Variants in MFHAS1 observed in about 807,000 individuals in gnomAD.
MFHAS1 encodes malignant fibrous histiocytoma-amplified sequence 1.
MFHAS1 carries 50 observed loss-of-function variants against 70.4 expected under a neutral mutation model. The ratio of observed to expected loss-of-function variants is 0.71; its 90% confidence interval spans 0.57 to 0.90. The LOEUF (loss-of-function observed/expected upper bound fraction) is 0.90, where lower values mean the gene tolerates loss of function less well. MFHAS1 is among the 40% of genes least tolerant of loss of function. MFHAS1 has a pLI of 0.00. For synonymous variants in MFHAS1, 952 were observed against 620.0 expected (o/e 1.54, Z -7.96); for missense variants, 1,795 against 1,347.6 (o/e 1.33, Z -5.20).
At position 8,892,513 on chromosome 8, in the gene MFHAS1, G is replaced by T. The variant is rs1256461335; in HGVS notation, c.546C>A (p.Arg182=). The T allele has an allele frequency of 6.2e-7, 1 of 1,602,408 alleles. No homozygotes were observed. Among genetic ancestry groups the T allele is most frequent in the Middle Eastern group, 1.7e-4 (1 of 6,038 alleles). Residue 182 remains arginine (R), a synonymous_variant, in exon 1 of 3, where the codon CGC becomes CGA. Coordinates refer to ENST00000276282, the MANE Select transcript of MFHAS1 (RefSeq NM_004225.3). The surrounding 1 kb of genome is among the most constrained non-coding windows in gnomAD (Gnocchi z 4.7). ...TGTGATCCACGTCCAGGGTGCGCAG[G>T]CGGGAGAGGCAGGAGAGGGAGTCAG... is the stretch of plus-strand genomic sequence containing the variant. ...HLPDSLSCLS[R]LRTLDVDHNQ...
intron 1 of MFHAS1, among the ~76,000 whole-genome samples, chr8:8,849,919 G>T (rs1049776132): frequency 1.8e-4 from 27 of 152,328 alleles, no homozygotes; most frequent in Admixed American, 5.2e-4. Flanking sequence ...GAGACAGAAA[G>T]CAACCAGGTC....
chr8:8,787,343 G>A (rs578249100), intron 2 of MFHAS1, among the ~76,000 whole-genome samples: 50 of 152,268 alleles, frequency 3.3e-4, no homozygotes, highest in African/African-American at 1.2e-3. Context: ...GCCTCCCAAA[G>A]TACTGGGATT....
At chr8:8,812,924 G>A (rs1210649850) in intron 1 of MFHAS1, among the ~76,000 whole-genome samples, 1 of 152,088 alleles carries the variant, frequency 6.6e-6, no homozygotes, top group Non-Finnish European at 1.5e-5. Context: ...GCACCACCAC[G>A]CCCAACTAAA....
intron 1 of MFHAS1, among the ~76,000 whole-genome samples, chr8:8,886,634 T>C (rs189787427): frequency 1.3e-5 from 2 of 152,250 alleles, no homozygotes; most frequent in East Asian, 3.9e-4. Context: ...ACTTTATACA[T>C]TTTTTCTGTA....
At chr8:8,830,693 C>G (rs1279007069) in intron 1 of MFHAS1, among the ~76,000 whole-genome samples, 1 of 152,138 alleles carries the variant, frequency 6.6e-6, no homozygotes, top group African/African-American at 2.4e-5. Flanking sequence ...ACCTCCGCCA[C>G]CCGGTTTCAA....
intron 1 of MFHAS1, among the ~76,000 whole-genome samples, chr8:8,826,262 G>GTGTGTGTC (rs1386652087): frequency 2.6e-5 from 4 of 151,734 alleles, no homozygotes; most frequent in Non-Finnish European, 2.9e-5. Flanking sequence ...GTGTGTGTGT[G>GTGTGTGTC]TGTGTGTGTG....
chr8:8,784,646 A>T lies in MFHAS1; in HGVS notation c.*1376T>A, dbSNP rs999773234. On this transcript the variant is annotated 3_prime_UTR_variant, in exon 3 of 3. Transcript: ENST00000276282. Reference sequence around the variant, plus strand: ...AGAGTCAATACTTTACAAAAGAAGTAAAAGAGTAGCGAGTACCAGCAACTC... The same window carrying T: ...AGAGTCAATACTTTACAAAAGAAGTTAAAGAGTAGCGAGTACCAGCAACTC... 6.6e-6 allele frequency: 1 copy of T among 152,234 alleles called. No homozygotes were observed. The highest frequency in any genetic ancestry group is 2.4e-5 in the African/African-American group (1 of 41,452). The allele number at this position is 152,234 out of a possible 1,614,324, so 9.4% of individuals were successfully genotyped here.
chr8:8,874,473 G>A (rs1022411731), intron 1 of MFHAS1, among the ~76,000 whole-genome samples: 6 of 152,084 alleles, frequency 3.9e-5, no homozygotes, highest in African/African-American at 1.4e-4. Context: ...AAGGAGTACA[G>A]CATGATCTCA....
chr8:8,890,020 T>C (rs1456194809), intron 1 of MFHAS1, 41 bp downstream of exon 1: 2 of 1,471,132 alleles, frequency 1.4e-6, no homozygotes, highest in South Asian at 1.3e-5. Flanking sequence ...AAACATATCT[T>C]ACAGCATACC....
chr8:8,808,996 G>C (rs997680157), intron 1 of MFHAS1, among the ~76,000 whole-genome samples: 1 of 152,140 alleles, frequency 6.6e-6, no homozygotes, highest in Non-Finnish European at 1.5e-5. Context: ...TACCACCGGA[G>C]CTCCATCTCC....
intron 1 of MFHAS1, among the ~76,000 whole-genome samples, chr8:8,866,394 C>A (rs190050321): frequency 6.6e-6 from 1 of 151,816 alleles, no homozygotes; most frequent in African/African-American, 2.4e-5. Context: ...TCTCAGCTCA[C>A]CGTAGCCTCT....
chr8:8,872,990 G>A (rs1177483083), intron 1 of MFHAS1, among the ~76,000 whole-genome samples: 1 of 152,184 alleles, frequency 6.6e-6, no homozygotes, highest in East Asian at 1.9e-4. Context: ...GAGCCATCTG[G>A]GAGTGAGGGG....
At chr8:8,880,211 T>C (rs1809462017) in intron 1 of MFHAS1, among the ~76,000 whole-genome samples, 1 of 152,142 alleles carries the variant, frequency 6.6e-6, no homozygotes, top group Non-Finnish European at 1.5e-5. Context: ...ACTCTTAAGT[T>C]ACACCTTGGA....
At chr8:8,809,073 G>A (rs148051251) in intron 1 of MFHAS1, among the ~76,000 whole-genome samples, 77 of 152,222 alleles carry the variant, frequency 5.1e-4, no homozygotes, top group African/African-American at 1.8e-3. Flanking sequence ...TTGTATGTGA[G>A]GGATCTAGGT....
intron 1 of MFHAS1, among the ~76,000 whole-genome samples, chr8:8,825,601 C>T (rs1807129203): frequency 6.6e-6 from 1 of 152,186 alleles, no homozygotes; most frequent in Admixed American, 6.5e-5. Context: ...GGTGTCTTCA[C>T]GTGGCCTTCC....
At chr8:8,826,247 A>AGAGTGT (rs138177121) in intron 1 of MFHAS1, among the ~76,000 whole-genome samples, 5 of 147,870 alleles carry the variant, frequency 3.4e-5, no homozygotes, top group Admixed American at 2.0e-4. Context: ...AAACACAAAG[A>AGAGTGT]GTGTGTGTGT....
At chr8:8,878,373 T>G (rs1437996968) in intron 1 of MFHAS1, among the ~76,000 whole-genome samples, 1 of 152,132 alleles carries the variant, frequency 6.6e-6, no homozygotes, top group Non-Finnish European at 1.5e-5. Flanking sequence ...AAGACAGTAA[T>G]AATACCTACT....
In MFHAS1 at chr8:8,891,573, C is replaced by A. The variant is rs1477479624; in HGVS notation, c.1486G>T (p.Ala496Ser). 6.2e-7 allele frequency: 1 copy of A among 1,613,144 alleles called. No individual in the cohort carries two copies. The highest frequency in any genetic ancestry group is 1.3e-5 in the African/African-American group (1 of 74,940). The change falls in exon 1 of 3, where the codon GCC becomes TCC. Residue 496 changes from alanine to serine, a missense_variant. Physicochemically the swap from Ala to Ser is moderately conservative, Grantham distance 99. Coordinates refer to ENST00000276282, the MANE Select transcript of MFHAS1 (RefSeq NM_004225.3). The surrounding 1 kb of genome is among the most constrained non-coding windows in gnomAD (Gnocchi z 5.4). ...VIQPFFLSPG[A>S]LYVLVVNLAT... is the part of the protein sequence containing the mutation. ...AAGTTGACCACCAGCACGTATAGGG[C>A]CCCTGGGGACAGGAAGAAGGGCTGG...
At chr8:8,831,388 G>A (rs915825701) in intron 1 of MFHAS1, among the ~76,000 whole-genome samples, 6 of 151,802 alleles carry the variant, frequency 4.0e-5, no homozygotes, top group African/African-American at 1.2e-4. Flanking sequence ...AAGTTTGATC[G>A]AATAAATCCA....
Sources: allele counts gnomAD v4.1 joint callset (sites outside exome capture counted in the v4.1 genomes callset), GRCh38; gene constraint gnomAD v4.1.1; non-coding constraint Gnocchi (gnomAD v3.1); transcripts MANE v1.5; gene names NCBI Gene and HGNC (gene_info 2026-07-23, HGNC 2026-07-21).